Variants in RIN2 observed in about 807,000 individuals in gnomAD.
RIN2 encodes Ras and Rab interactor 2.
A neutral mutation model predicts 78.0 loss-of-function variants in RIN2; 36 were observed. The ratio of observed to expected loss-of-function variants is 0.46; its 90% CI spans 0.35 to 0.61. The LOEUF (loss-of-function observed/expected upper bound fraction) is 0.61. Ranked by LOEUF, RIN2 falls within the 20% of genes least tolerant of loss-of-function variation. The pLI is 0.00. For synonymous variants in RIN2, 466 were observed against 466.8 expected, an observed-to-expected ratio of 1.00 and a Z score of 0.02; for missense variants, 1,087 against 1,159.7, an observed-to-expected ratio of 0.94 and a Z score of 0.91.
chr20:19,905,683 G>T (rs1187880690), intron 3 of RIN2, among the ~76,000 whole-genome samples: 1 of 152,168 alleles, frequency 6.6e-6, no homozygotes, highest in African/African-American at 2.4e-5. Context: ...AGGAGTTCAA[G>T]GCTGCAGCCA....
rs1491093860 is a variant in RIN2 at position 19,837,169 on chromosome 20, A to ACACAC, written c.-37+37422_-37+37423insCACAC. Among the ~76,000 whole-genome samples the ACACAC allele has an allele frequency of 2.2e-3, 304 of 140,198 alleles. 1 individual carries two copies. Among genetic ancestry groups the ACACAC allele is most frequent in the Middle Eastern group, 7.4e-3 (2 of 270 alleles). 92.0% of individuals were successfully genotyped at this position (140,198 alleles called of 152,430 possible). A position where few individuals can be genotyped will look rare whatever the true frequency, so the allele number is the denominator to read the frequency against. ...CTGAACATCACACACCGCCCCCCCC[A>ACACAC]ACACACACACACACACACACACACA... On this transcript the variant is annotated intron_variant, in intron 2 of 12. Coordinates refer to ENST00000255006, the MANE Select transcript of RIN2 (RefSeq NM_018993.4).
intron 3 of RIN2, among the ~76,000 whole-genome samples, chr20:19,931,205 A>T (rs903530591): frequency 1.3e-5 from 2 of 152,218 alleles, no homozygotes; most frequent in African/African-American, 4.8e-5. Flanking sequence ...AACCCCATAC[A>T]TATTAGGATA....
chr20:19,859,244 A>G (rs1850601435), intron 2 of RIN2, among the ~76,000 whole-genome samples: 1 of 152,246 alleles, frequency 6.6e-6, no homozygotes, highest in Non-Finnish European at 1.5e-5. Flanking sequence ...ATGTGGCTGC[A>G]GAGACGCCCC....
intron 1 of RIN2, among the ~76,000 whole-genome samples, chr20:19,772,090 C>T (rs2034148025): frequency 6.6e-6 from 1 of 152,210 alleles, no homozygotes; most frequent in African/African-American, 2.4e-5. Context: ...CTCTCAGATA[C>T]TCAAGGGCAT....
intron 2 of RIN2, among the ~76,000 whole-genome samples, chr20:19,853,755 G>A (rs1270013704): frequency 1.3e-5 from 2 of 152,108 alleles, no homozygotes; most frequent in African/African-American, 4.8e-5. Flanking sequence ...ATTTCTTTGA[G>A]TTCTTCGTAG....
intron 2 of RIN2, among the ~76,000 whole-genome samples, chr20:19,860,152 A>G (rs1047009605): frequency 2.6e-5 from 4 of 152,132 alleles, no homozygotes; most frequent in Non-Finnish European, 5.9e-5. Flanking sequence ...CTGGCCTTCC[A>G]TAGGTGTGAT....
chr20:19,896,612 T>G (rs773760893), intron 3 of RIN2, among the ~76,000 whole-genome samples: 2 of 152,212 alleles, frequency 1.3e-5, no homozygotes, highest in Admixed American at 6.5e-5. Flanking sequence ...CACCTTGCAG[T>G]GGAAACAGCA....
chr20:19,839,683 C>T (rs1427821456), intron 2 of RIN2, among the ~76,000 whole-genome samples: 4 of 152,172 alleles, frequency 2.6e-5, no homozygotes, highest in African/African-American at 9.7e-5. Context: ...GGCCTTTCTT[C>T]TTGCACCTTT....
At chr20:19,899,286 C>T (rs936089673) in intron 3 of RIN2, among the ~76,000 whole-genome samples, 5 of 152,136 alleles carry the variant, frequency 3.3e-5, no homozygotes, top group Admixed American at 1.3e-4. Context: ...CACAGTGACG[C>T]TCTTGGTGTT....
intron 3 of RIN2, chr20:19,934,514 C>T (rs563769560): frequency 1.0e-6 from 1 of 985,250 alleles, no homozygotes; most frequent in East Asian, 1.1e-4. Flanking sequence ...CACTCATCCA[C>T]CCCAGCCTCA....
intron 2 of RIN2, chr20:19,886,375 C>T (rs747670930): frequency 2.0e-4 from 56 of 281,986 alleles, no homozygotes; most frequent in Non-Finnish European, 2.7e-4. Context: ...TGCTTTACCA[C>T]AGCAGTCGCT....
At chr20:19,833,058 C>A (rs575657149) in intron 2 of RIN2, among the ~76,000 whole-genome samples, 19 of 152,302 alleles carry the variant, frequency 1.2e-4, no homozygotes, top group African/African-American at 4.6e-4. Context: ...TTCCTCCCCA[C>A]GGAAACCACA....
At chr20:19,942,062 A>G (rs986089936) in intron 4 of RIN2, among the ~76,000 whole-genome samples, 2 of 150,446 alleles carry the variant, frequency 1.3e-5, no homozygotes, top group African/African-American at 5.0e-5. Context: ...ATGAGCCGAG[A>G]TCAAGCCACT....
In RIN2 at chr20:19,886,772, C is replaced by G. The variant is rs1258130757; in HGVS notation, c.-36-2794C>G. ...AGTCTGGAGGAATTTCACAGCCTCT[C>G]AAACTACGGTACCCTTTTTGTTTCT... On this transcript the variant is annotated intron_variant, in intron 2 of 12. Transcript: ENST00000255006. The G allele has an allele frequency of 2.0e-6, 3 of 1,534,670 alleles. No homozygotes were observed. The Admixed American group carries it at 6.1e-5, about 31-fold the overall frequency.
chr20:19,838,298 T>C (rs2036480655), intron 2 of RIN2, among the ~76,000 whole-genome samples: 1 of 148,502 alleles, frequency 6.7e-6, no homozygotes. Flanking sequence ...TTAATTAATT[T>C]ACCCAATCAA....
intron 3 of RIN2, among the ~76,000 whole-genome samples, chr20:19,905,995 C>CACAAACAA (rs3059678): frequency 5.9e-5 from 9 of 151,810 alleles, no homozygotes; most frequent in East Asian, 2.0e-4. Flanking sequence ...ATCTCTATTT[C>CACAAACAA]ACAAACAAAC....
At chr20:19,842,208 G>GCTTTT (rs2036597327) in intron 2 of RIN2, among the ~76,000 whole-genome samples, 1 of 66,796 alleles carries the variant, frequency 1.5e-5, no homozygotes, top group Non-Finnish European at 3.0e-5. Flanking sequence ...TTGTTTCTTT[G>GCTTTT]TTTTTTTTGT....
At chr20:19,925,379 T>G (rs190905326) in intron 3 of RIN2, among the ~76,000 whole-genome samples, 1 of 152,242 alleles carries the variant, frequency 6.6e-6, no homozygotes, top group African/African-American at 2.4e-5. Context: ...GAGACTTTAT[T>G]ACTTCAAGAT....
At chr20:19,864,017 G>A (rs952071583) in intron 2 of RIN2, among the ~76,000 whole-genome samples, 3 of 146,588 alleles carry the variant, frequency 2.0e-5, no homozygotes, top group Non-Finnish European at 4.5e-5. Flanking sequence ...GGGGTGGGTG[G>A]TAAAAAAAAA....
Sources: gnomAD v4.1 joint callset for allele counts (sites outside exome capture counted in the v4.1 genomes callset) on GRCh38, gnomAD v4.1.1 for gene constraint, MANE v1.5 for transcripts, NCBI Gene and HGNC (gene_info 2026-07-23, HGNC 2026-07-21) for gene names.